The following RUBCNL variants were observed in gnomAD, a reference collection of about 807,000 sequenced individuals.
RUBCNL encodes rubicon like autophagy enhancer, also known as protein associated with UVRAG as autophagy enhancer.
A neutral mutation model predicts 69.5 loss-of-function variants in RUBCNL; 62 were observed. That is an observed-to-expected ratio of 0.89 (90% CI 0.73 to 1.10). The LOEUF (loss-of-function observed/expected upper bound fraction) is 1.10, where lower values mean the gene tolerates loss of function less well. Among genes scored for constraint, RUBCNL ranks in the 50% least tolerant of loss-of-function variants. The pLI, the probability that RUBCNL is intolerant of heterozygous loss-of-function variation, is 0.00. For synonymous variants in RUBCNL, 291 were observed against 303.6 expected, an observed-to-expected ratio of 0.96 and a Z score of 0.43; for missense variants, 768 against 798.1, an observed-to-expected ratio of 0.96 and a Z score of 0.45.
chr13:46,345,258 C>A (rs1001706552), intron 13 of RUBCNL, among the ~76,000 whole-genome samples, 189 bp downstream of exon 13: 1 of 152,162 alleles, frequency 6.6e-6, no homozygotes, highest in South Asian at 2.1e-4. Flanking sequence ...GGCTTGCATC[C>A]CGGCTCTGCC....
intron 3 of RUBCNL, among the ~76,000 whole-genome samples, chr13:46,369,344 A>T (rs1216813226): frequency 6.6e-6 from 1 of 152,104 alleles, no homozygotes; most frequent in Non-Finnish European, 1.5e-5. Flanking sequence ...CCTCCCTAGC[A>T]GCTGAGATTA....
At chr13:46,356,261 C>T (rs1176671183) in intron 10 of RUBCNL, among the ~76,000 whole-genome samples, 171 bp downstream of exon 10, 1 of 152,198 alleles carries the variant, frequency 6.6e-6, no homozygotes, top group Non-Finnish European at 1.5e-5. Context: ...GTTGATCACA[C>T]AGCCTTGTCA....
At chr13:46,384,887 T>G (rs2049203507) in intron 1 of RUBCNL, among the ~76,000 whole-genome samples, 1 of 152,224 alleles carries the variant, frequency 6.6e-6, no homozygotes, top group Non-Finnish European at 1.5e-5. Flanking sequence ...AGTAAAGTGA[T>G]GACCACATAG....
chr13:46,364,470 G>A (rs73478090), intron 5 of RUBCNL, among the ~76,000 whole-genome samples: 6,309 of 152,160 alleles, frequency 0.041, 418 homozygotes, highest in East Asian at 0.33. Flanking sequence ...TTCTAGCTGG[G>A]TGACGATGGA....
rs561020564 is a variant in RUBCNL, at chr13:46,349,204, T to C, written c.1631+82A>G. The C allele has an allele frequency of 3.0e-5, 36 of 1,206,590 alleles. No homozygotes were observed. The Admixed American group carries it at 4.6e-4, about 15-fold the overall frequency. The allele number at this position is 1,206,590 out of a possible 1,614,324, so 74.7% of individuals were successfully genotyped here. A position where few individuals can be genotyped will look rare whatever the true frequency, so the allele number is the denominator to read the frequency against. On this transcript the variant is annotated intron_variant, in intron 12 of 14. Transcript: ENST00000429979. ...CACTGTGCTAAGAAGCCCTGTGTAA[T>C]GGGGGAGCCAGATGCAGGAGGCACT...
In RUBCNL at chr13:46,337,114, T is replaced by G. The variant is rs2048109556; in HGVS notation, c.*6271A>C. On this transcript the variant is annotated 3_prime_UTR_variant, in exon 15 of 15. Transcript: ENST00000429979. ...CCCTTGTAAAACAGACCCCAGGGGG[T>G]TCTCTCTCTCTCTCTTTTCCTTTTT... Among the ~76,000 whole-genome samples the G allele has an allele frequency of 1.3e-5, 2 of 148,662 alleles. No homozygotes were observed. The highest frequency in any genetic ancestry group is 2.5e-5 in the African/African-American group (1 of 40,300).
upstream of RUBCNL, chr13:46,387,277 G>A: frequency 1.0e-6 from 1 of 985,408 alleles, no homozygotes; most frequent in Non-Finnish European, 1.2e-6. Flanking sequence ...CCGAGGAGGG[G>A]ACAGCGACGC....
intron 12 of RUBCNL, 119 bp from the exon 13 acceptor site, chr13:46,345,719 A>C: frequency 2.1e-6 from 2 of 968,846 alleles, no homozygotes; most frequent in Non-Finnish European, 2.9e-6. Flanking sequence ...TCAATTTAAA[A>C]AATAAATAGC....
chr13:46,343,175 T>C lies in RUBCNL; in HGVS notation c.*210A>G. The C allele has an allele frequency of 6.4e-6, 5 of 778,888 alleles. No individual in the cohort carries two copies. Among genetic ancestry groups the C allele is most frequent in the Non-Finnish European group, 9.7e-6 (5 of 513,466 alleles). 48.2% of individuals were successfully genotyped at this position (778,888 alleles called of 1,614,324 possible). On this transcript the variant is annotated 3_prime_UTR_variant, in exon 15 of 15. Coordinates refer to ENST00000429979, the MANE Select transcript of RUBCNL (RefSeq NM_025113.5). ...ACCAATAGCAGCCAAAACAGAACAT[T>C]TGTAAACAAAACCACAACTATCAGC... is the stretch of plus-strand genomic sequence containing the variant.
In RUBCNL at chr13:46,337,753, C is replaced by A. The variant is rs1380979188; in HGVS notation, c.*5632G>T. ...AGTAGGGTGGGTTACACTGTAGGAACCAGCCCCACAAAAATCTCAGGAACT... is the reference window on the plus strand; with the variant it reads ...AGTAGGGTGGGTTACACTGTAGGAAACAGCCCCACAAAAATCTCAGGAACT... On this transcript the variant is annotated 3_prime_UTR_variant, in exon 15 of 15. Coordinates refer to ENST00000429979, the MANE Select transcript of RUBCNL (RefSeq NM_025113.5). Among the ~76,000 whole-genome samples, 2 of 152,180 alleles carry A rather than the reference C, an allele frequency of 1.3e-5. No individual in the cohort carries two copies. The highest frequency in any genetic ancestry group is 2.9e-5 in the Non-Finnish European group (2 of 68,032).
At position 46,345,591 on chromosome 13, in the gene RUBCNL, C is replaced by T; in HGVS notation, c.1641G>A (p.Lys547=). 1 of 1,613,648 alleles carries T rather than the reference C, an allele frequency of 6.2e-7. No homozygotes were observed. The highest frequency in any genetic ancestry group is 8.5e-7 in the Non-Finnish European group (1 of 1,179,776). ...AGTGTCCCGGCACCTGCTCGAACTC[C>T]TTTAATGCACTGCCAGAGAGGAAAC... ...KTCRFANSAL[K]EFEQVPGHLT... is the part of the protein sequence containing the mutation. Residue 547 remains lysine (K), a synonymous_variant, in exon 13 of 15, where the codon AAG becomes AAA. Coordinates refer to ENST00000429979, the MANE Select transcript of RUBCNL (RefSeq NM_025113.5).
chr13:46,335,649 G>A lies in RUBCNL; in HGVS notation c.*7736C>T, dbSNP rs1020177019. The stretch of plus-strand genomic sequence containing the variant: ...ATAGAAGTTCAGGAGAGAGATGGTG[G>A]CTTGTACTGTAATAATGTCAGTGGC... On this transcript the variant is annotated 3_prime_UTR_variant, in exon 15 of 15. Coordinates refer to ENST00000429979, the MANE Select transcript of RUBCNL (RefSeq NM_025113.5). Among the ~76,000 whole-genome samples, 7 of 152,188 alleles carry A rather than the reference G, an allele frequency of 4.6e-5. No individual in the cohort carries two copies. The highest frequency in any genetic ancestry group is 3.9e-4 in the Admixed American group (6 of 15,284).
intron 1 of RUBCNL, among the ~76,000 whole-genome samples, chr13:46,382,820 C>A (rs751337642): frequency 1.3e-5 from 2 of 152,230 alleles, no homozygotes; most frequent in African/African-American, 2.4e-5. Context: ...CAGGCATGAG[C>A]CACCGCGCCT....
In RUBCNL at chr13:46,372,213, G is replaced by A; in HGVS notation, c.263C>T (p.Ser88Leu). ...CCCGAGGCACGAAGGTGAAGGGCCTGAGGGAGAGGCAGCATCTGTCACAAA... is the reference window on the plus strand; with the variant it reads ...CCCGAGGCACGAAGGTGAAGGGCCTAAGGGAGAGGCAGCATCTGTCACAAA... ...THFVTDAASPSGPSPSCLGDS... is the reference protein window; with the variant it reads ...THFVTDAASPLGPSPSCLGDS... Residue 88 changes from serine (S) to leucine (L), a missense_variant, in exon 3 of 15, where the codon TCA becomes TTA. Physicochemically the swap from Ser to Leu is moderately radical, Grantham distance 145. Transcript: ENST00000429979. The A allele has an allele frequency of 6.2e-7, 1 of 1,614,052 alleles. No individual in the cohort carries two copies. The highest frequency in any genetic ancestry group is 2.2e-5 in the East Asian group (1 of 44,888).
intron 2 of RUBCNL, among the ~76,000 whole-genome samples, chr13:46,375,289 T>C (rs952144548): frequency 2.0e-5 from 3 of 152,036 alleles, no homozygotes; most frequent in African/African-American, 7.2e-5. Flanking sequence ...TCCCAGCACT[T>C]TGGGAGGCCA....
intron 3 of RUBCNL, 79 bp downstream of exon 3, chr13:46,371,862 A>C: frequency 7.0e-7 from 1 of 1,425,668 alleles, no homozygotes; most frequent in East Asian, 2.3e-5. Context: ...CATGGGGAAG[A>C]CAACAAGGCA....
chr13:46,356,619 T>C (rs2048491312), intron 9 of RUBCNL, 123 bp from the exon 10 acceptor site: 1 of 738,628 alleles, frequency 1.4e-6, no homozygotes, highest in Non-Finnish European at 2.3e-6. Context: ...TTGTCACTTT[T>C]CATTTGGGAA....
intron 10 of RUBCNL, among the ~76,000 whole-genome samples, chr13:46,351,993 A>G (rs2138700988): frequency 6.6e-6 from 1 of 151,992 alleles, no homozygotes; most frequent in Middle Eastern, 3.4e-3. Context: ...ATGCCCGGCT[A>G]ATTTTTGTAT....
rs1319446880 is a variant in RUBCNL at position 46,335,607 on chromosome 13, C to T, written c.*7778G>A. On this transcript the variant is annotated 3_prime_UTR_variant, in exon 15 of 15. Coordinates refer to ENST00000429979, the MANE Select transcript of RUBCNL (RefSeq NM_025113.5). ...CAACAATTATAAAATAGCAGCAATG[C>T]TACGTAGTTCAATCTAATAGAAGTT... Among the ~76,000 whole-genome samples the T allele has an allele frequency of 6.6e-6, 1 of 152,150 alleles. No individual in the cohort carries two copies. The highest frequency in any genetic ancestry group is 1.9e-4 in the East Asian group (1 of 5,200).
Sources: allele counts gnomAD v4.1 joint callset (sites outside exome capture counted in the v4.1 genomes callset), GRCh38; gene constraint gnomAD v4.1.1; transcripts MANE v1.5; gene names NCBI Gene and HGNC (gene_info 2026-07-23, HGNC 2026-07-21).